The following APOL5 variants were observed in gnomAD, a reference collection of about 807,000 sequenced individuals.
APOL5 encodes the protein apolipoprotein L, 5.
APOL5 carries 29 observed loss-of-function variants against 35.5 expected under a neutral mutation model. That is an observed-to-expected ratio of 0.82 (90% CI 0.61 to 1.11). The LOEUF is 1.11. Ranked by LOEUF, APOL5 falls within the 50% of genes most tolerant of loss-of-function variation. The pLI is 0.00. For synonymous variants in APOL5, 188 were observed against 200.2 expected (o/e 0.94, Z 0.51); for missense variants, 514 against 530.4 (o/e 0.97, Z 0.30).
At chr22:35,718,367 C>T (rs1026032415) in intron 1 of APOL5, among the ~76,000 whole-genome samples, 1 of 152,136 alleles carries the variant, frequency 6.6e-6, no homozygotes, top group Non-Finnish European at 1.5e-5. Flanking sequence ...CCTGTAATCC[C>T]AACACTTTGG....
chr22:35,722,057 G>A (rs541706141), intron 2 of APOL5, among the ~76,000 whole-genome samples: 1 of 152,252 alleles, frequency 6.6e-6, no homozygotes, highest in South Asian at 2.1e-4. Context: ...CCACTGTCAA[G>A]ATTTCCCCCC....
chr22:35,725,347 C>T (rs1255276766), intron 2 of APOL5, among the ~76,000 whole-genome samples: 3 of 152,072 alleles, frequency 2.0e-5, no homozygotes, highest in South Asian at 2.1e-4. Context: ...CTCACTGCAA[C>T]CTCCACTTCC....
At chr22:35,725,823 G>C (rs904033862) in intron 2 of APOL5, among the ~76,000 whole-genome samples, 1 of 152,206 alleles carries the variant, frequency 6.6e-6, no homozygotes, top group Non-Finnish European at 1.5e-5. Context: ...AGCAATTGGG[G>C]AGGTTTAGAA....
chr22:35,712,343 G>A, the APOL5 span, among the ~76,000 whole-genome samples: 22 of 151,984 alleles, frequency 1.4e-4, no homozygotes, highest in African/African-American at 5.1e-4. Flanking sequence ...GTCTGCATAA[G>A]TGTGAAGTGG....
chr22:35,720,815 G>A (rs552749917), intron 2 of APOL5, among the ~76,000 whole-genome samples, 161 bp downstream of exon 2: 5 of 152,214 alleles, frequency 3.3e-5, no homozygotes, highest in African/African-American at 9.6e-5. Flanking sequence ...GCACGATCTC[G>A]GCTCACTGCA....
upstream of APOL5, among the ~76,000 whole-genome samples, chr22:35,713,622 T>C (rs1926654150): frequency 6.6e-6 from 1 of 152,202 alleles, no homozygotes. Context: ...GGTTTTCTTC[T>C]TTAGGAGGGG....
upstream of APOL5, among the ~76,000 whole-genome samples, chr22:35,716,158 G>A (rs1381741172): frequency 6.6e-6 from 1 of 152,194 alleles, no homozygotes; most frequent in Non-Finnish European, 1.5e-5. Flanking sequence ...GTCAGATTTT[G>A]TCTTACCATG....
At chr22:35,716,001 G>T (rs1262050610), upstream of APOL5, among the ~76,000 whole-genome samples, 1 of 152,008 alleles carries the variant, frequency 6.6e-6, no homozygotes, top group Non-Finnish European at 1.5e-5. Flanking sequence ...GTATCAAATT[G>T]GGTCAAAATC....
At chr22:35,719,086 A>C (rs1180827179) in intron 1 of APOL5, among the ~76,000 whole-genome samples, 1 of 152,114 alleles carries the variant, frequency 6.6e-6, no homozygotes, top group African/African-American at 2.4e-5. Flanking sequence ...TAATAATAAT[A>C]AATAAAAACA....
At chr22:35,718,593 CAAAAAA>C (rs58513283) in intron 1 of APOL5, among the ~76,000 whole-genome samples, 54,565 of 96,504 alleles carry the variant, frequency 0.57, 11,994 homozygotes, top group East Asian at 0.62. Flanking sequence ...GACCCCGTCT[CAAAAAA>C]AAAAAAAAAA....
At chr22:35,708,921 A>T in the APOL5 span, among the ~76,000 whole-genome samples, 11 of 152,336 alleles carry the variant, frequency 7.2e-5, no homozygotes, top group African/African-American at 2.6e-4. Context: ...GTGACAACGG[A>T]GGGTGACCCA....
upstream of APOL5, among the ~76,000 whole-genome samples, chr22:35,717,233 A>ATATATATATATATATATAT (rs71324555): frequency 2.7e-5 from 1 of 37,310 alleles, no homozygotes; most frequent in African/African-American, 1.4e-4. Flanking sequence ...AAAAAAAAAA[A>ATATATATATATATATATAT]AAATATATAT....
chr22:35,718,211 G>A (rs1926826890), intron 1 of APOL5, among the ~76,000 whole-genome samples: 2 of 152,186 alleles, frequency 1.3e-5, no homozygotes, highest in South Asian at 4.1e-4. Context: ...GAAGCAGTGT[G>A]GCAGCGGGGA....
Position 35,726,998 on chromosome 22 carries a change from C to T in APOL5, c.930C>T (p.Phe310=), listed in dbSNP as rs1433797848. Residue 310 remains phenylalanine (F), a synonymous_variant, in exon 3 of 5, where the codon TTC becomes TTT. Transcript: ENST00000249044. ...TACTTATGAAAGACATGAGCAGCTTCCTGCAGAGCTGGAAGCACCTGGAGG... is the reference window on the plus strand; with the variant it reads ...TACTTATGAAAGACATGAGCAGCTTTCTGCAGAGCTGGAAGCACCTGGAGG... ...GFLLMKDMSS[F]LQSWKHLEDG... 3.7e-6 allele frequency: 6 copies of T among 1,614,132 alleles called. No homozygotes were observed. The East Asian group carries it at 1.3e-4, about 36-fold the overall frequency.
chr22:35,727,630 G>A (rs2146006644), intron 3 of APOL5, among the ~76,000 whole-genome samples: 1 of 152,152 alleles, frequency 6.6e-6, no homozygotes, highest in East Asian at 1.9e-4. Flanking sequence ...GATCAGATGA[G>A]CCAGTTTATC....
In APOL5 at chr22:35,726,766, G is replaced by A; in HGVS notation, c.698G>A (p.Cys233Tyr). ...IEAAGFCVNK[C>Y]VKAIQGIKDL... The stretch of plus-strand genomic sequence containing the variant: ...GCTGCTGGCTTTTGTGTTAATAAGT[G>A]TGTAAAAGCTATCCAGGGCATCAAG... Residue 233 changes from cysteine (C) to tyrosine (Y), a missense_variant, in exon 3 of 5, where the codon TGT (cysteine) becomes TAT (tyrosine). Transcript: ENST00000249044. The A allele has an allele frequency of 1.2e-6, 2 of 1,614,250 alleles. No homozygotes were observed. Among genetic ancestry groups the A allele is most frequent in the African/African-American group, 1.3e-5 (1 of 75,070 alleles).
At chr22:35,717,470 T>C (rs1926792072), upstream of APOL5, among the ~76,000 whole-genome samples, 1 of 149,294 alleles carries the variant, frequency 6.7e-6, no homozygotes, top group Non-Finnish European at 1.5e-5. Context: ...CTGAGCGCAG[T>C]GGCTCACGCC....
intron 1 of APOL5, among the ~76,000 whole-genome samples, chr22:35,718,958 C>G (rs958145353): frequency 1.2e-4 from 19 of 152,048 alleles, no homozygotes; most frequent in Non-Finnish European, 1.9e-4. Flanking sequence ...ACTCGGGAGG[C>G]TGAGACAGGA....
rs536770262 is a variant in APOL5 at position 35,717,888 on chromosome 22, A to G, written c.17A>G (p.Gln6Arg). MPCGKQGNLQVPGSKV... is the reference protein window; with the variant it reads MPCGKRGNLQVPGSKV... ...ATCTAAAGCATGCCATGTGGCAAAC[A>G]AGGAAATTTGCAAGTTCCCGGTTCC... Residue 6 changes from glutamine (Q) to arginine (R), a missense_variant, in exon 1 of 5, where the codon CAA (glutamine) becomes CGA (arginine). Gln to Arg is a conservative substitution (Grantham distance 43, BLOSUM62 1). Coordinates refer to ENST00000249044, the MANE Select transcript of APOL5 (RefSeq NM_030642.1). The G allele has an allele frequency of 1.9e-6, 3 of 1,588,288 alleles. No homozygotes were observed. Among genetic ancestry groups the G allele is most frequent in the African/African-American group, 2.7e-5 (2 of 74,296 alleles).
Sources: allele counts gnomAD v4.1 joint callset (sites outside exome capture counted in the v4.1 genomes callset), GRCh38; gene constraint gnomAD v4.1.1; transcripts MANE v1.5; gene names NCBI Gene and HGNC (gene_info 2026-07-23, HGNC 2026-07-21).